Variants in GABRG3 observed in about 807,000 individuals in gnomAD.
GABRG3 encodes the protein gamma-aminobutyric acid receptor subunit gamma-3.
A neutral mutation model predicts 48.8 loss-of-function variants in GABRG3; 25 were observed. The ratio of observed to expected loss-of-function variants is 0.51; its 90% CI spans 0.37 to 0.72. GABRG3 has a LOEUF of 0.72. GABRG3 is among the 30% of genes least tolerant of loss of function. The pLI is 0.00. For synonymous variants in GABRG3, 227 were observed against 217.6 expected (o/e 1.04, Z -0.38); for missense variants, 394 against 577.9 (o/e 0.68, Z 3.26).
chr15:27,021,486 T>A (rs996846814), intron 2 of GABRG3, among the ~76,000 whole-genome samples: 1 of 152,136 alleles, frequency 6.6e-6, no homozygotes, highest in Non-Finnish European at 1.5e-5. Context: ...AATACATCTT[T>A]TCTTCTCCAC....
At chr15:27,038,703 C>G (rs1896221828) in intron 3 of GABRG3, among the ~76,000 whole-genome samples, 1 of 152,198 alleles carries the variant, frequency 6.6e-6, no homozygotes, top group South Asian at 2.1e-4. Context: ...CACATGGGAA[C>G]CATGCAGTGT....
At chr15:27,131,673 C>T (rs1349076517) in intron 3 of GABRG3, among the ~76,000 whole-genome samples, 1 of 151,922 alleles carries the variant, frequency 6.6e-6, no homozygotes, top group Non-Finnish European at 1.5e-5. Context: ...GTTATACATA[C>T]TTACACGGTA....
intron 3 of GABRG3, among the ~76,000 whole-genome samples, chr15:27,091,392 G>T (rs759855421): frequency 1.3e-5 from 2 of 152,146 alleles, no homozygotes; most frequent in Non-Finnish European, 2.9e-5. Context: ...TTGTGTTAAA[G>T]ATTTTTGCAT....
chr15:27,367,354 A>G (rs1895242913), intron 5 of GABRG3, among the ~76,000 whole-genome samples: 1 of 152,232 alleles, frequency 6.6e-6, no homozygotes, highest in Admixed American at 6.5e-5. Context: ...GACCAAAGTC[A>G]TAATAAAAGA....
In GABRG3 at chr15:27,530,890, A is replaced by C. The variant is rs41311254; in HGVS notation, c.1123-1710A>C. ...CACACGTGTAGGAAACCTTTATTGCAATTGTTTGTTAATAAAGGCAGATCT... is the reference window on the plus strand; with the variant it reads ...CACACGTGTAGGAAACCTTTATTGCCATTGTTTGTTAATAAAGGCAGATCT... On this transcript the variant is annotated intron_variant, in intron 9 of 9. Coordinates refer to ENST00000615808, the MANE Select transcript of GABRG3 (RefSeq NM_033223.5). 650 of 333,026 alleles carry C rather than the reference A, an allele frequency of 2.0e-3. 2 individuals carry two copies. The highest frequency in any genetic ancestry group is 3.3e-3 in the Non-Finnish European group (541 of 165,472). 20.6% of individuals were successfully genotyped at this position (333,026 alleles called of 1,614,324 possible). A position where few individuals can be genotyped will look rare whatever the true frequency, so the allele number is the denominator to read the frequency against.
chr15:27,334,606 T>C (rs1027088046), intron 5 of GABRG3, among the ~76,000 whole-genome samples: 1 of 152,140 alleles, frequency 6.6e-6, no homozygotes, highest in African/African-American at 2.4e-5. Context: ...AACCTTATCT[T>C]TAAAATGCTA....
chr15:27,021,016 G>T (rs1895884602), intron 2 of GABRG3, among the ~76,000 whole-genome samples: 1 of 152,100 alleles, frequency 6.6e-6, no homozygotes, highest in South Asian at 2.1e-4. Flanking sequence ...ATAATCTATT[G>T]TATATTTCAA....
chr15:27,416,090 ACTC>A (rs1887932703), intron 5 of GABRG3, among the ~76,000 whole-genome samples: 1 of 152,086 alleles, frequency 6.6e-6, no homozygotes, highest in Non-Finnish European at 1.5e-5. Context: ...AGCAAAGTAA[ACTC>A]CTACATTGGT....
intron 3 of GABRG3, among the ~76,000 whole-genome samples, chr15:27,189,140 A>G (rs1285253871): frequency 2.0e-5 from 3 of 151,692 alleles, no homozygotes; most frequent in Non-Finnish European, 2.9e-5. Context: ...GCCTTGTAGT[A>G]TAGTTTGAAG....
intron 5 of GABRG3, among the ~76,000 whole-genome samples, chr15:27,369,698 T>C (rs1895334283): frequency 6.7e-6 from 1 of 150,010 alleles, no homozygotes; most frequent in South Asian, 2.1e-4. Flanking sequence ...TCCCAGCTAC[T>C]CAGGAGGCTG....
intron 2 of GABRG3, among the ~76,000 whole-genome samples, chr15:26,981,904 C>G (rs74006545): frequency 3.0e-4 from 46 of 152,260 alleles, no homozygotes; most frequent in African/African-American, 1.0e-3. Context: ...CATCGAATTT[C>G]AAAATCCATG....
chr15:27,468,085 G>A (rs536087186), intron 5 of GABRG3, among the ~76,000 whole-genome samples: 264 of 152,234 alleles, frequency 1.7e-3, no homozygotes, highest in Non-Finnish European at 2.5e-3. Flanking sequence ...TGATACCAGC[G>A]GGTCAGGGGA....
At chr15:27,342,174 C>G (rs139931178) in intron 5 of GABRG3, among the ~76,000 whole-genome samples, 1 of 152,222 alleles carries the variant, frequency 6.6e-6, no homozygotes, top group African/African-American at 2.4e-5. Context: ...GGCCAAAGAA[C>G]AGTGAGGATC....
chr15:27,338,344 G>A (rs1385405573), intron 5 of GABRG3, among the ~76,000 whole-genome samples: 1 of 152,040 alleles, frequency 6.6e-6, no homozygotes, highest in East Asian at 1.9e-4. Context: ...CTGCAGTGAT[G>A]CCCCCCACCC....
At chr15:27,181,699 C>T (rs938783629) in intron 3 of GABRG3, among the ~76,000 whole-genome samples, 1 of 152,190 alleles carries the variant, frequency 6.6e-6, no homozygotes, top group Non-Finnish European at 1.5e-5. Context: ...CTTTAAGTGG[C>T]TGCTGCATGT....
intron 3 of GABRG3, chr15:27,158,118 G>C (rs1034895940): frequency 6.6e-6 from 1 of 152,022 alleles, no homozygotes; most frequent in Admixed American, 6.5e-5. Flanking sequence ...TTTCAGGTGG[G>C]AGGAACTTCA....
intron 2 of GABRG3, among the ~76,000 whole-genome samples, chr15:26,980,871 A>C (rs1895041849): frequency 6.6e-6 from 1 of 151,916 alleles, no homozygotes; most frequent in Non-Finnish European, 1.5e-5. Flanking sequence ...TAACTCATGA[A>C]TTATTTAGAA....
intron 5 of GABRG3, among the ~76,000 whole-genome samples, chr15:27,371,701 A>C (rs1895421390): frequency 6.6e-6 from 1 of 152,186 alleles, no homozygotes; most frequent in Non-Finnish European, 1.5e-5. Context: ...AGGAGGACAA[A>C]AGGATTAGAA....
chr15:27,321,909 G>A (rs967933303), intron 3 of GABRG3, among the ~76,000 whole-genome samples: 2 of 152,234 alleles, frequency 1.3e-5, no homozygotes, highest in African/African-American at 4.8e-5. Context: ...GTAATTCGTG[G>A]CTTATTTGGA....
Sources: allele counts gnomAD v4.1 joint callset (sites outside exome capture counted in the v4.1 genomes callset), GRCh38; gene constraint gnomAD v4.1.1; transcripts MANE v1.5; gene names NCBI Gene and HGNC (gene_info 2026-07-23, HGNC 2026-07-21).